Variants in DRC11 observed in about 807,000 individuals in gnomAD.
The protein encoded by DRC11 is IQ and AAA domain-containing protein 1.
chr2:236,322,187 ATC>A, the DRC11 span, among the ~76,000 whole-genome samples: 2 of 149,180 alleles, frequency 1.3e-5, no homozygotes, highest in African/African-American at 4.9e-5. Context: ...TCCAAAATCA[ATC>A]TGTCTTTGAC....
At chr2:236,358,681 T>C in the DRC11 span, among the ~76,000 whole-genome samples, 1 of 148,436 alleles carries the variant, frequency 6.7e-6, no homozygotes, top group South Asian at 2.1e-4. Context: ...ACACATACTT[T>C]CTCTTTTAAC....
chr2:236,399,396 C>T, the DRC11 span: 12 of 1,607,116 alleles, frequency 7.5e-6, no homozygotes, highest in African/African-American at 5.3e-5. This position sits in a 1 kb window ranked among gnomAD's most constrained non-coding sequence, Gnocchi z 7.0. Context: ...TGACCATGCA[C>T]GTTCTCCTAA....
the DRC11 span, among the ~76,000 whole-genome samples, chr2:236,472,863 A>G: frequency 6.6e-6 from 1 of 151,802 alleles, no homozygotes; most frequent in Admixed American, 6.6e-5. The surrounding 1 kb of genome is among the most constrained non-coding windows in gnomAD (Gnocchi z 4.6). Flanking sequence ...GGAAGCGCAC[A>G]CTCCCAACTG....
At chr2:236,482,271 T>C in the DRC11 span, among the ~76,000 whole-genome samples, 1 of 152,092 alleles carries the variant, frequency 6.6e-6, no homozygotes, top group Non-Finnish European at 1.5e-5. This position sits in a 1 kb window ranked among gnomAD's most constrained non-coding sequence, Gnocchi z 4.5. Context: ...TTATTTAACA[T>C]TGTAATTATT....
chr2:236,321,111 T>G, the DRC11 span, among the ~76,000 whole-genome samples: 1 of 152,222 alleles, frequency 6.6e-6, no homozygotes, highest in African/African-American at 2.4e-5. Context: ...CACAGGTGAT[T>G]TGACCCAGTA....
chr2:236,503,117 C>T, the DRC11 span, among the ~76,000 whole-genome samples: 1 of 152,188 alleles, frequency 6.6e-6, no homozygotes, highest in African/African-American at 2.4e-5. The surrounding 1 kb of genome is among the most constrained non-coding windows in gnomAD (Gnocchi z 4.9). Context: ...TAAAAGGCAT[C>T]TTATACTTCC....
chr2:236,416,745 A>ATATATATT, the DRC11 span, among the ~76,000 whole-genome samples: 1 of 59,618 alleles, frequency 1.7e-5, no homozygotes, highest in Non-Finnish European at 3.6e-5. Flanking sequence ...ATATATATAT[A>ATATATATT]TATATATATA....
At chr2:236,388,022 G>A in the DRC11 span, among the ~76,000 whole-genome samples, 157 of 152,214 alleles carry the variant, frequency 1.0e-3, no homozygotes, top group African/African-American at 3.5e-3. Context: ...GGTTTCTGCC[G>A]AGAGATCAGC....
At chr2:236,406,016 A>C in the DRC11 span, among the ~76,000 whole-genome samples, 1 of 152,240 alleles carries the variant, frequency 6.6e-6, no homozygotes, top group African/African-American at 2.4e-5. This position sits in a 1 kb window ranked among gnomAD's most constrained non-coding sequence, Gnocchi z 4.7. Flanking sequence ...GTGCATATTT[A>C]AAAAGCTGGT....
chr2:236,500,478 C>A, the DRC11 span, among the ~76,000 whole-genome samples: 3 of 152,206 alleles, frequency 2.0e-5, no homozygotes, highest in African/African-American at 4.8e-5. This position sits in a 1 kb window ranked among gnomAD's most constrained non-coding sequence, Gnocchi z 6.3. Context: ...CAACACCCCA[C>A]TGAGTCAGGA....
the DRC11 span, among the ~76,000 whole-genome samples, chr2:236,350,916 A>C: frequency 6.6e-6 from 1 of 152,180 alleles, no homozygotes; most frequent in African/African-American, 2.4e-5. This position sits in a 1 kb window ranked among gnomAD's most constrained non-coding sequence, Gnocchi z 5.2. Context: ...GAAGATGGGC[A>C]TGGAAACTGG....
At chr2:236,378,945 C>G in the DRC11 span, among the ~76,000 whole-genome samples, 1 of 152,138 alleles carries the variant, frequency 6.6e-6, no homozygotes, top group African/African-American at 2.4e-5. Context: ...GTGGAGAAAC[C>G]TGCAGCCCCT....
the DRC11 span, among the ~76,000 whole-genome samples, chr2:236,449,022 G>T: frequency 1.3e-5 from 2 of 151,846 alleles, no homozygotes; most frequent in Non-Finnish European, 2.9e-5. The surrounding 1 kb of genome is among the most constrained non-coding windows in gnomAD (Gnocchi z 5.1). Context: ...ACCACGCCTG[G>T]CAAATTTTTG....
chr2:236,320,772 G>A, the DRC11 span, among the ~76,000 whole-genome samples: 6,501 of 152,088 alleles, frequency 0.043, 293 homozygotes, highest in African/African-American at 0.11. Context: ...GGCCCAGGGC[G>A]GCTGAGGCCC....
At chr2:236,311,697 C>CGTGTGTGTGT in the DRC11 span, among the ~76,000 whole-genome samples, 126 of 138,788 alleles carry the variant, frequency 9.1e-4, no homozygotes, top group East Asian at 3.0e-3. The surrounding 1 kb of genome is among the most constrained non-coding windows in gnomAD (Gnocchi z 6.9). Context: ...GGATGGGGTG[C>CGTGTGTGTGT]GTGTGTGTGT....
the DRC11 span, among the ~76,000 whole-genome samples, chr2:236,321,457 GTA>G: frequency 2.6e-5 from 4 of 151,972 alleles, no homozygotes; most frequent in Non-Finnish European, 5.9e-5. Flanking sequence ...CAGAATATGA[GTA>G]TGTGTGTGAG....
the DRC11 span, chr2:236,465,487 G>C: frequency 3.7e-6 from 6 of 1,605,524 alleles, no homozygotes; most frequent in African/African-American, 5.4e-5. This position sits in a 1 kb window ranked among gnomAD's most constrained non-coding sequence, Gnocchi z 6.2. Context: ...GATATGTCAC[G>C]ATGTAGCTCA....
chr2:236,365,489 G>C, the DRC11 span, among the ~76,000 whole-genome samples: 1 of 152,066 alleles, frequency 6.6e-6, no homozygotes, highest in East Asian at 1.9e-4. This position sits in a 1 kb window ranked among gnomAD's most constrained non-coding sequence, Gnocchi z 7.4. Flanking sequence ...GGCCCTGAAA[G>C]GTGGTCGGGG....
At chr2:236,338,257 T>C in the DRC11 span, 1 of 1,613,978 alleles carries the variant, frequency 6.2e-7, no homozygotes, top group Non-Finnish European at 8.5e-7. Context: ...TCTGGTAAAC[T>C]TTGCAGAAAG....
Sources: gnomAD v4.1 joint callset for allele counts (sites outside exome capture counted in the v4.1 genomes callset) on GRCh38, gnomAD v4.1.1 for gene constraint, Gnocchi (gnomAD v3.1) non-coding constraint, MANE v1.5 for transcripts, NCBI Gene and HGNC (gene_info 2026-07-23, HGNC 2026-07-21) for gene names.